SLC2A5: variants seen among roughly 807,000 people sequenced by gnomAD.
SLC2A5 encodes solute carrier family 2, facilitated glucose transporter member 5.
SLC2A5 carries 56 observed loss-of-function variants against 50.3 expected under a neutral mutation model. The ratio of observed to expected loss-of-function variants is 1.11; its 90% CI spans 0.90 to 1.39. The LOEUF (loss-of-function observed/expected upper bound fraction) is 1.39. Ranked by LOEUF, SLC2A5 falls within the 40% of genes most tolerant of loss-of-function variation. SLC2A5 has a pLI of 0.00. For synonymous variants in SLC2A5, 269 were observed against 281.9 expected (o/e 0.95, Z 0.46); for missense variants, 566 against 650.1 (o/e 0.87, Z 1.41).
At chr1:9,054,104 G>A (rs1641695150) in intron 3 of SLC2A5, among the ~76,000 whole-genome samples, 1 of 152,076 alleles carries the variant, frequency 6.6e-6, no homozygotes, top group African/African-American at 2.4e-5. Context: ...AGAGAGGTAA[G>A]AAGATGGGAA....
At chr1:9,077,550 G>C (rs1642300840) in intron 2 of SLC2A5, among the ~76,000 whole-genome samples, 1 of 151,158 alleles carries the variant, frequency 6.6e-6, no homozygotes, top group Non-Finnish European at 1.5e-5. Context: ...AGACCAGCCT[G>C]GCCAACATAG....
chr1:9,061,764 C>G (rs1641950897), intron 1 of SLC2A5, among the ~76,000 whole-genome samples: 1 of 152,156 alleles, frequency 6.6e-6, no homozygotes, highest in Non-Finnish European at 1.5e-5. Flanking sequence ...TTCTGGCCAG[C>G]AGCACAGCCA....
Position 9,037,953 on chromosome 1 carries a change from C to T in SLC2A5, c.1246G>A (p.Gly416Ser), listed in dbSNP as rs780050188. The change falls in exon 11 of 12, where the codon GGC (glycine) becomes AGC (serine). Residue 416 changes from glycine (G) to serine (S), a missense_variant. Gly to Ser is a moderately conservative substitution (Grantham distance 56, BLOSUM62 0). Coordinates refer to ENST00000377424, the MANE Select transcript of SLC2A5 (RefSeq NM_003039.3). ...AAGTTGGAGAGCCAGTGCACACTGCCCCCCACCATGAAGGCAGATGGCCGA... is the reference window on the plus strand; with the variant it reads ...AAGTTGGAGAGCCAGTGCACACTGCTCCCCACCATGAAGGCAGATGGCCGA... ...SSRPSAFMVG[G>S]SVHWLSNFTV... 1.9e-6 allele frequency: 3 copies of T among 1,613,850 alleles called. No homozygotes were observed. The African/African-American group carries it at 4.0e-5, about 22-fold the overall frequency.
chr1:9,038,747 G>C (rs1641210056), intron 9 of SLC2A5, 81 bp downstream of exon 9: 1 of 1,486,970 alleles, frequency 6.7e-7, no homozygotes, highest in African/African-American at 1.4e-5. Flanking sequence ...TTTATTTTAA[G>C]GCAGGTGGAG....
intron 3 of SLC2A5, among the ~76,000 whole-genome samples, chr1:9,048,501 G>A (rs968076625): frequency 1.3e-5 from 2 of 152,020 alleles, no homozygotes; most frequent in African/African-American, 4.8e-5. Context: ...GACAGAGCGA[G>A]ACTCCACCTC....
intron 3 of SLC2A5, among the ~76,000 whole-genome samples, chr1:9,050,133 C>T (rs896061444): frequency 1.3e-5 from 2 of 151,946 alleles, no homozygotes; most frequent in African/African-American, 4.8e-5. Context: ...AAAAATTAGC[C>T]GGGTATGGTG....
At position 9,039,534 on chromosome 1, in the gene SLC2A5, A is replaced by G; in HGVS notation, c.996+18T>C. 6.5e-7 allele frequency: 1 copy of G among 1,535,282 alleles called. No homozygotes were observed. Among genetic ancestry groups the G allele is most frequent in the Non-Finnish European group, 8.8e-7 (1 of 1,135,076 alleles). ...GGGGCCTTGGGTGGAGGCTGTGGGC[A>G]GCTCCCAGGACACTCACGGCGCAGA... On this transcript the variant is annotated intron_variant, in intron 8 of 11. Transcript: ENST00000377424.
At chr1:9,048,952 C>A in intron 3 of SLC2A5, 1 of 350,748 alleles carries the variant, frequency 2.9e-6, no homozygotes, top group South Asian at 2.2e-5. Context: ...CCACTGCGCC[C>A]AGCCATTTTT....
chr1:9,056,710 A>G (rs1347511895), intron 3 of SLC2A5, among the ~76,000 whole-genome samples: 1 of 152,104 alleles, frequency 6.6e-6, no homozygotes, highest in Admixed American at 6.6e-5. Flanking sequence ...CTTTTTTGAA[A>G]TAAAATATGG....
Position 9,052,256 on chromosome 1 carries a change from C to T in SLC2A5, c.294-4522G>A, listed in dbSNP as rs917318930. Among the ~76,000 whole-genome samples the T allele has an allele frequency of 4.3e-4, 65 of 152,164 alleles. 1 individual carries two copies. Among genetic ancestry groups the T allele is most frequent in the Non-Finnish European group, 3.1e-4 (21 of 68,026 alleles). On this transcript the variant is annotated intron_variant, in intron 3 of 11. Transcript: ENST00000377424. Reference sequence around the variant, plus strand: ...CCGAGATTGTGCCTCTGCACTCCAGCCTGGGTGACAGAGCGAGACTCCGTC... The same window carrying T: ...CCGAGATTGTGCCTCTGCACTCCAGTCTGGGTGACAGAGCGAGACTCCGTC...
Position 9,038,883 on chromosome 1 carries a change from C to T in SLC2A5, c.1043G>A (p.Gly348Asp). ...LLGRRLLLLL[G>D]FSICLIACCV... ...GCAGGCTATGAGGCAGATGGAGAAG[C>T]CCAGCAGCAGCAGCAGCCTCCGACC... Residue 348 changes from glycine to aspartate, a missense_variant, in exon 9 of 12, where the codon GGC (glycine) becomes GAC (aspartate). Coordinates refer to ENST00000377424, the MANE Select transcript of SLC2A5 (RefSeq NM_003039.3). 1 of 1,612,716 alleles carries T rather than the reference C, an allele frequency of 6.2e-7. No homozygotes were observed. The highest frequency in any genetic ancestry group is 8.5e-7 in the Non-Finnish European group (1 of 1,179,846).
intron 2 of SLC2A5, among the ~76,000 whole-genome samples, chr1:9,080,436 T>C (rs1409497264): frequency 6.6e-6 from 1 of 152,246 alleles, no homozygotes; most frequent in Admixed American, 6.5e-5. Context: ...ACCAACAGTA[T>C]ATAAGAGTTT....
chr1:9,053,594 CA>C (rs1349632153), intron 3 of SLC2A5, among the ~76,000 whole-genome samples: 1 of 127,152 alleles, frequency 7.9e-6, no homozygotes, highest in Non-Finnish European at 1.6e-5. Context: ...TTTAAATAGG[CA>C]GGGCACAGTG....
chr1:9,049,244 T>C, intron 3 of SLC2A5: 1 of 455,212 alleles, frequency 2.2e-6, no homozygotes, highest in South Asian at 1.6e-5. Context: ...TTGCCACACG[T>C]GAGAGCCGCT....
chr1:9,059,536 C>CT lies in SLC2A5; in HGVS notation c.34-1287dup, dbSNP rs58395185. 3.6e-3 allele frequency among the ~76,000 whole-genome samples: 359 copies of CT among 98,384 alleles called. 9 individuals are homozygous for CT. Among genetic ancestry groups the CT allele is most frequent in the Middle Eastern group, 0.011 (2 of 184 alleles). The allele number at this position is 98,384 out of a possible 152,430, so 64.5% of individuals were successfully genotyped here. On this transcript the variant is annotated intron_variant, in intron 1 of 11. Coordinates refer to ENST00000377424, the MANE Select transcript of SLC2A5 (RefSeq NM_003039.3). ...CACGGTATCTAAATCTACAGAGAATCTTTTTTTTTTTTTTTTTTCTGAGAC... is the reference window on the plus strand; with the variant it reads ...CACGGTATCTAAATCTACAGAGAATCTTTTTTTTTTTTTTTTTTTCTGAGAC...
At chr1:9,054,734 G>A (rs1376090019) in intron 3 of SLC2A5, among the ~76,000 whole-genome samples, 1 of 152,154 alleles carries the variant, frequency 6.6e-6, no homozygotes, top group Admixed American at 6.5e-5. Context: ...AGACCAGCCA[G>A]AGAAACCTAG....
intron 3 of SLC2A5, among the ~76,000 whole-genome samples, chr1:9,057,217 C>T (rs564791997): frequency 8.4e-5 from 12 of 142,130 alleles, no homozygotes; most frequent in African/African-American, 2.9e-4. Flanking sequence ...ACCTGGGAGG[C>T]GGAGGTTGCG....
At position 9,038,035 on chromosome 1, in the gene SLC2A5, A is replaced by G. The variant is rs1446798953; in HGVS notation, c.1175-11T>C. Reference sequence around the variant, plus strand: ...GCGCGGGTATGGGACCTGTAGGGGGAGGAGAGCAGCCTCCCTGAAGGCAGA... The same window carrying G: ...GCGCGGGTATGGGACCTGTAGGGGGGGGAGAGCAGCCTCCCTGAAGGCAGA... On this transcript the variant is annotated splice_polypyrimidine_tract_variant and intron_variant, in intron 10 of 11. Coordinates refer to ENST00000377424, the MANE Select transcript of SLC2A5 (RefSeq NM_003039.3). 1 of 1,613,000 alleles carries G rather than the reference A, an allele frequency of 6.2e-7. No homozygotes were observed. The highest frequency in any genetic ancestry group is 8.5e-7 in the Non-Finnish European group (1 of 1,179,678).
At chr1:9,084,949 G>C (rs916871158) in intron 2 of SLC2A5, 3 of 152,312 alleles carry the variant, frequency 2.0e-5, no homozygotes, top group Non-Finnish European at 4.4e-5. Context: ...GGCTTTTCCT[G>C]AATGTGGCGC....
Sources: gnomAD v4.1 joint callset for allele counts (sites outside exome capture counted in the v4.1 genomes callset) on GRCh38, gnomAD v4.1.1 for gene constraint, MANE v1.5 for transcripts, NCBI Gene and HGNC (gene_info 2026-07-23, HGNC 2026-07-21) for gene names.